The following IKBKB variants were observed in gnomAD, a reference collection of about 807,000 sequenced individuals.
IKBKB encodes inhibitor of nuclear factor kappa B kinase subunit beta, also known as inhibitor of nuclear factor kappa-B kinase subunit beta.
IKBKB carries 42 observed loss-of-function variants against 113.6 expected under a neutral mutation model. The observed-to-expected ratio is 0.37, with a 90% CI of 0.29 to 0.48. The LOEUF (loss-of-function observed/expected upper bound fraction) is 0.48. IKBKB is among the 20% of genes least tolerant of loss of function. IKBKB has a pLI of 0.99. For synonymous variants in IKBKB, 296 were observed against 361.3 expected (o/e 0.82, Z 2.05); for missense variants, 673 against 939.7 (o/e 0.72, Z 3.71).
In IKBKB at chr8:42,317,611, A is replaced by G. The variant is rs200658123; in HGVS notation, c.1126-46A>G. On this transcript the variant is annotated intron_variant, in intron 11 of 21. Coordinates refer to ENST00000520810, the MANE Select transcript of IKBKB (RefSeq NM_001556.3). ...ACTTCTTCATTATCAGTTAGAAAAGAGAGGGTTGGATCCACAAGATTCATT... is the reference window on the plus strand; with the variant it reads ...ACTTCTTCATTATCAGTTAGAAAAGGGAGGGTTGGATCCACAAGATTCATT... 7.2e-6 allele frequency: 9 copies of G among 1,242,166 alleles called. No homozygotes were observed. The African/African-American group carries it at 1.0e-4, about 14-fold the overall frequency. The allele number at this position is 1,242,166 out of a possible 1,614,324, so 76.9% of individuals were successfully genotyped here. A position where few individuals can be genotyped will look rare whatever the true frequency, so the allele number is the denominator to read the frequency against.
chr8:42,310,458 A>T lies in IKBKB; in HGVS notation c.692+1433A>T, dbSNP rs116616168. On this transcript the variant is annotated intron_variant, in intron 8 of 21. Transcript: ENST00000520810. ...AATTGGCATATATTTGTTTATTTGT[A>T]CATTGATGTTTCCCCTCTTTTTTAT... 3.6e-3 allele frequency among the ~76,000 whole-genome samples: 543 copies of T among 152,324 alleles called. 6 individuals are homozygous for T. Among genetic ancestry groups the T allele is most frequent in the African/African-American group, 0.012 (502 of 41,566 alleles).
intron 2 of IKBKB, among the ~76,000 whole-genome samples, chr8:42,282,328 A>G (rs149818490): frequency 7.2e-5 from 11 of 152,230 alleles, no homozygotes; most frequent in Non-Finnish European, 1.3e-4. Flanking sequence ...TCAGCCTCCC[A>G]AGTAGCTGGG....
intron 5 of IKBKB, among the ~76,000 whole-genome samples, chr8:42,302,756 T>G (rs1225180878): frequency 7.6e-6 from 1 of 131,412 alleles, no homozygotes; most frequent in African/African-American, 4.2e-5. Flanking sequence ...ATGCCAGTAT[T>G]CCAAAATCCA....
chr8:42,319,456 C>G (rs201375553), intron 14 of IKBKB, 35 bp downstream of exon 14: 11 of 1,611,364 alleles, frequency 6.8e-6, no homozygotes, highest in East Asian at 2.2e-5. Context: ...TTAAAGACAC[C>G]ATTTTTTTTT....
At chr8:42,292,108 G>C (rs1389655435) in intron 4 of IKBKB, among the ~76,000 whole-genome samples, 1 of 152,210 alleles carries the variant, frequency 6.6e-6, no homozygotes, top group Non-Finnish European at 1.5e-5. Flanking sequence ...AGAGATGGGG[G>C]AACTCAACAG....
Position 42,290,358 on chromosome 8 carries a change from G to C in IKBKB, c.318+85G>C, listed in dbSNP as rs1359826316. ...AGGGATGGGGAGACCTTTCACTTCT[G>C]TCATCATCAGGAAGCTTGGGGAGCC... On this transcript the variant is annotated intron_variant, in intron 4 of 21. Transcript: ENST00000520810. The C allele has an allele frequency of 3.4e-6, 3 of 884,484 alleles. No individual in the cohort carries two copies. The African/African-American group carries it at 5.0e-5, about 15-fold the overall frequency. The allele number at this position is 884,484 out of a possible 1,614,324, so 54.8% of individuals were successfully genotyped here. A position where few individuals can be genotyped will look rare whatever the true frequency, so the allele number is the denominator to read the frequency against.
chr8:42,298,006 T>C, intron 5 of IKBKB: 3 of 777,264 alleles, frequency 3.9e-6, no homozygotes, highest in Non-Finnish European at 4.7e-6. Flanking sequence ...ATAGGAGACC[T>C]GGGACCCATG....
chr8:42,282,312 C>A (rs1810532215), intron 2 of IKBKB, among the ~76,000 whole-genome samples: 1 of 152,182 alleles, frequency 6.6e-6, no homozygotes, highest in South Asian at 2.1e-4. Flanking sequence ...AGGAGATTCT[C>A]CCACCTCAGC....
At chr8:42,273,351 G>A (rs532077867) in intron 2 of IKBKB, among the ~76,000 whole-genome samples, 1 of 151,824 alleles carries the variant, frequency 6.6e-6, no homozygotes, top group African/African-American at 2.4e-5. Flanking sequence ...GGAGGCAGAG[G>A]TTGCAGTGAG....
chr8:42,288,983 G>A (rs1165095618), intron 3 of IKBKB, among the ~76,000 whole-genome samples: 2 of 152,088 alleles, frequency 1.3e-5, no homozygotes, highest in East Asian at 3.8e-4. Context: ...GAGAACACCA[G>A]GGAAGGGGGA....
Position 42,319,253 on chromosome 8 carries a change from C to G in IKBKB, c.1365-17C>G. The G allele has an allele frequency of 6.2e-7, 1 of 1,613,274 alleles. No homozygotes were observed. The highest frequency in any genetic ancestry group is 8.5e-7 in the Non-Finnish European group (1 of 1,179,330). ...ATCCCAGAGATGCTCCAAGACTGTT[C>G]CTTGTGGTCCCTGCAGGATGAATCT... is the stretch of plus-strand genomic sequence containing the variant. On this transcript the variant is annotated splice_polypyrimidine_tract_variant and intron_variant, in intron 13 of 21. Coordinates refer to ENST00000520810, the MANE Select transcript of IKBKB (RefSeq NM_001556.3).
rs111526189 is a variant in IKBKB, at chr8:42,292,617, G to A, written c.319-826G>A. ...AGTCTACATGCTGGGTACGTAAACA[G>A]ATGAGTGTTTATGAATATGACGTGA... On this transcript the variant is annotated intron_variant, in intron 4 of 21. Transcript: ENST00000520810. Among the ~76,000 whole-genome samples the A allele has an allele frequency of 9.7e-3, 1,480 of 152,344 alleles. 23 individuals are homozygous for A. Among genetic ancestry groups the A allele is most frequent in the African/African-American group, 0.034 (1,420 of 41,572 alleles).
chr8:42,282,225 C>T (rs1810510652), intron 2 of IKBKB, among the ~76,000 whole-genome samples: 2 of 152,098 alleles, frequency 1.3e-5, no homozygotes, highest in African/African-American at 4.8e-5. Context: ...CTCCAGTAGT[C>T]CACGCTGGAG....
Position 42,279,624 on chromosome 8 carries a change from A to G in IKBKB, c.105+7419A>G, listed in dbSNP as rs1388543577. On this transcript the variant is annotated intron_variant, in intron 2 of 21. Coordinates refer to ENST00000520810, the MANE Select transcript of IKBKB (RefSeq NM_001556.3). ...TCCCATTTTATAGTTGAGGAGACTGAAGCACAGTCTCTGTGACTCACCCAC... is the reference window on the plus strand; with the variant it reads ...TCCCATTTTATAGTTGAGGAGACTGGAGCACAGTCTCTGTGACTCACCCAC... Among the ~76,000 whole-genome samples, 4 of 152,132 alleles carry G rather than the reference A, an allele frequency of 2.6e-5. No homozygotes were observed. In the South Asian group the frequency reaches 6.2e-4, roughly 24 times the overall value.
intron 7 of IKBKB, among the ~76,000 whole-genome samples, chr8:42,308,001 C>A (rs990698584): frequency 1.3e-5 from 2 of 152,246 alleles, no homozygotes; most frequent in Non-Finnish European, 2.9e-5. Flanking sequence ...TGCTGCCGCC[C>A]CTTCTTCGGT....
chr8:42,275,145 G>A (rs1039724378), intron 2 of IKBKB, among the ~76,000 whole-genome samples: 1 of 151,502 alleles, frequency 6.6e-6, no homozygotes, highest in Non-Finnish European at 1.5e-5. Flanking sequence ...CCAAAGTACT[G>A]GGATTACAGG....
chr8:42,319,388 G>C lies in IKBKB; in HGVS notation c.1483G>C (p.Glu495Gln). 6 of 1,614,188 alleles carry C rather than the reference G, an allele frequency of 3.7e-6. No homozygotes were observed. Among genetic ancestry groups the C allele is most frequent in the Non-Finnish European group, 5.1e-6 (6 of 1,180,038 alleles). Reference sequence around the variant, plus strand: ...CAAAACCAGCATCCAGATTGACCTGGAGAAGTACAGCGAGCAAACCGAGTT... The same window carrying C: ...CAAAACCAGCATCCAGATTGACCTGCAGAAGTACAGCGAGCAAACCGAGTT... ...FFKTSIQIDL[E>Q]KYSEQTEFGI... Residue 495 changes from glutamate (E) to glutamine (Q), a missense_variant, in exon 14 of 22, where the codon GAG (glutamate) becomes CAG (glutamine). Physicochemically the swap from Glu to Gln is conservative, Grantham distance 29. This residue lies in a region of IKBKB where 506 missense variants were observed against 638.7 expected (regional missense o/e 0.79). Coordinates refer to ENST00000520810, the MANE Select transcript of IKBKB (RefSeq NM_001556.3).
chr8:42,290,893 C>T (rs1030248876), intron 4 of IKBKB, among the ~76,000 whole-genome samples: 2 of 152,234 alleles, frequency 1.3e-5, no homozygotes, highest in Non-Finnish European at 2.9e-5. Context: ...GGCAGCCCCT[C>T]CTGGTCTCAG....
At chr8:42,293,410 C>A in intron 4 of IKBKB, 33 bp from the exon 5 acceptor site, 1 of 1,610,940 alleles carries the variant, frequency 6.2e-7, no homozygotes. Context: ...TTGTGACCAC[C>A]AGCTCTGATG....
Sources: allele counts gnomAD v4.1 joint callset (sites outside exome capture counted in the v4.1 genomes callset), GRCh38; gene constraint gnomAD v4.1.1; regional missense constraint gnomAD v4.1.1; transcripts MANE v1.5; gene names NCBI Gene and HGNC (gene_info 2026-07-23, HGNC 2026-07-21).